MAPKAPK5: variants seen among roughly 807,000 people sequenced by gnomAD.
MAPKAPK5 encodes the protein MAPK activated protein kinase 5.
A neutral mutation model predicts 65.1 loss-of-function variants in MAPKAPK5; 30 were observed. The ratio of observed to expected loss-of-function variants is 0.46; its 90% CI spans 0.34 to 0.63. The LOEUF (loss-of-function observed/expected upper bound fraction) is 0.63, where lower values mean the gene tolerates loss of function less well. MAPKAPK5 is among the 20% of genes least tolerant of loss of function. The pLI is 0.01. For missense variants in MAPKAPK5, 433 were observed against 581.4 expected, an observed-to-expected ratio of 0.74 and a Z score of 2.63; for synonymous variants, 179 against 204.6, an observed-to-expected ratio of 0.87 and a Z score of 1.07.
Position 111,866,189 on chromosome 12 carries a change from T to C in MAPKAPK5, c.144T>C (p.Phe48=). ...TAAAGAAATCTACTCAAGAACGGTT[T>C]GCGCTGAAAATTCTTCTTGATCGTC... The part of the protein sequence containing the change: ...VCVKKSTQER[F]ALKILLDRPK... Residue 48 remains phenylalanine (F), a synonymous_variant, in exon 3 of 14, where the codon TTT becomes TTC. Coordinates refer to ENST00000550735, the MANE Select transcript of MAPKAPK5 (RefSeq NM_003668.4). The C allele has an allele frequency of 6.2e-7, 1 of 1,612,688 alleles. No individual in the cohort carries two copies.
At position 111,863,354 on chromosome 12, in the gene MAPKAPK5, G is replaced by C. The variant is rs563559092; in HGVS notation, c.37-1896G>C. ...GTCATTCATTCCATAGTTATTTACTGTATGCTGAGAACCTTTACCAAGAAT... is the reference window on the plus strand; with the variant it reads ...GTCATTCATTCCATAGTTATTTACTCTATGCTGAGAACCTTTACCAAGAAT... On this transcript the variant is annotated intron_variant, in intron 1 of 13. Coordinates refer to ENST00000550735, the MANE Select transcript of MAPKAPK5 (RefSeq NM_003668.4). 1.1e-3 allele frequency among the ~76,000 whole-genome samples: 168 copies of C among 152,202 alleles called. 2 individuals are homozygous for C. The highest frequency in any genetic ancestry group is 2.1e-3 in the Non-Finnish European group (143 of 68,020).
chr12:111,891,133 G>T (rs1404629612), intron 13 of MAPKAPK5, among the ~76,000 whole-genome samples: 1 of 151,416 alleles, frequency 6.6e-6, no homozygotes, highest in East Asian at 2.0e-4. Context: ...TCCCTCTGTT[G>T]CCCAGGCTGG....
At chr12:111,891,268 A>T (rs1293745730) in intron 13 of MAPKAPK5, among the ~76,000 whole-genome samples, 2 of 133,234 alleles carry the variant, frequency 1.5e-5, no homozygotes, top group African/African-American at 2.7e-5. Context: ...TAATTTTTGT[A>T]TTTTTTTTTT....
At chr12:111,870,695 C>G (rs1311610540) in intron 6 of MAPKAPK5, among the ~76,000 whole-genome samples, 2 of 152,124 alleles carry the variant, frequency 1.3e-5, no homozygotes, top group Non-Finnish European at 2.9e-5. Flanking sequence ...CTGTCCCCTG[C>G]CCCATGTCTC....
intron 1 of MAPKAPK5, among the ~76,000 whole-genome samples, chr12:111,860,928 GCAGGCAGATCA>G (rs1020213335): frequency 6.6e-6 from 1 of 151,762 alleles, no homozygotes; most frequent in African/African-American, 2.4e-5. Context: ...TGAGGCCGAG[GCAGGCAGATCA>G]CTTGAGGTCA....
At chr12:111,877,162 C>A (rs1471706965) in intron 7 of MAPKAPK5, among the ~76,000 whole-genome samples, 2 of 152,118 alleles carry the variant, frequency 1.3e-5, no homozygotes, top group African/African-American at 4.8e-5. Flanking sequence ...GGATTAAAGG[C>A]ATGTGCCACC....
chr12:111,870,296 A>G lies in MAPKAPK5; in HGVS notation c.419A>G (p.His140Arg), dbSNP rs1393148438. The change falls in exon 6 of 14, where the codon CAC becomes CGC. Residue 140 changes from histidine to arginine, a missense_variant. Around this residue, in one of 3 missense-constraint regions of MAPKAPK5, gnomAD observed 165 missense variants for 180.0 expected, o/e 0.92. Transcript: ENST00000550735. ...KQIALALRHC[H>R]LLNIAHRDLK... is the part of the protein sequence containing the mutation. ...ATAGCTTTGGCTCTGCGGCACTGTC[A>G]CTTGTTAAACATTGCGCACAGAGAC... 1 of 1,608,158 alleles carries G rather than the reference A, an allele frequency of 6.2e-7. No homozygotes were observed. Among genetic ancestry groups the G allele is most frequent in the Non-Finnish European group, 8.5e-7 (1 of 1,175,026 alleles).
intron 1 of MAPKAPK5, among the ~76,000 whole-genome samples, chr12:111,859,586 G>A (rs1471970919): frequency 6.6e-6 from 1 of 151,950 alleles, no homozygotes; most frequent in East Asian, 1.9e-4. Context: ...TTTATTTTCA[G>A]CTGGGCTCAG....
In MAPKAPK5 at chr12:111,888,783, T is replaced by G. The variant is rs1043749014; in HGVS notation, c.1101-102T>G. 8.5e-6 allele frequency: 13 copies of G among 1,523,812 alleles called. No homozygotes were observed. In the African/African-American group the frequency reaches 9.7e-5, roughly 11 times the overall value. 94.4% of individuals were successfully genotyped at this position (1,523,812 alleles called of 1,614,324 possible). A position where few individuals can be genotyped will look rare whatever the true frequency, so the allele number is the denominator to read the frequency against. ...TATCAGGAGTTGGACACTATTGTTA[T>G]TTTTCTGATACATCTGTTGCCTTAT... On this transcript the variant is annotated intron_variant, in intron 11 of 13. Transcript: ENST00000550735.
Position 111,874,347 on chromosome 12 carries a change from A to C in MAPKAPK5, c.579+3167A>C, listed in dbSNP as rs140131845. On this transcript the variant is annotated intron_variant, in intron 7 of 13. Transcript: ENST00000550735. The stretch of plus-strand genomic sequence containing the variant: ...GAGGTGGAGGCTGCAGTTAGTCGAG[A>C]TCATGCCATTGCACTCCAGCCTGGG... Among the ~76,000 whole-genome samples the C allele has an allele frequency of 3.7e-3, 563 of 151,634 alleles. 2 individuals are homozygous for C. Among genetic ancestry groups the C allele is most frequent in the African/African-American group, 0.013 (537 of 41,348 alleles).
Position 111,858,815 on chromosome 12 carries a change from A to T in MAPKAPK5, c.37-6435A>T, listed in dbSNP as rs145941242. On this transcript the variant is annotated intron_variant, in intron 1 of 13. Transcript: ENST00000550735. ...CTTGGCCTCCTAAAGTGCTGGGATT[A>T]CAGGCGTGAGCCACCGTGCTCAGCC... 3.0e-3 allele frequency among the ~76,000 whole-genome samples: 446 copies of T among 147,822 alleles called. 37 individuals are homozygous for T. The highest frequency in any genetic ancestry group is 0.01 in the African/African-American group (417 of 39,920).
Position 111,899,001 on chromosome 12 carries a change from G to A in MAPKAPK5, c.*5940G>A, listed in dbSNP as rs1046771380. 12 of 152,206 alleles carry A rather than the reference G, an allele frequency of 7.9e-5. No homozygotes were observed. The highest frequency in any genetic ancestry group is 3.9e-4 in the Admixed American group (6 of 15,274). 9.4% of individuals were successfully genotyped at this position (152,206 alleles called of 1,614,324 possible). On this transcript the variant is annotated 3_prime_UTR_variant, in exon 14 of 14. Coordinates refer to ENST00000550735, the MANE Select transcript of MAPKAPK5 (RefSeq NM_003668.4). ...CTACTTGGAATATCTTCCCATGAAA[G>A]TAAAAGGAATATAACTAAGGAAGAT...
intron 1 of MAPKAPK5, among the ~76,000 whole-genome samples, chr12:111,853,201 TAA>T (rs1262891582): frequency 7.0e-6 from 1 of 143,116 alleles, no homozygotes. Context: ...CCCTCTCTAC[TAA>T]AAAAAAAAAA....
intron 1 of MAPKAPK5, among the ~76,000 whole-genome samples, chr12:111,858,789 C>T (rs1232106480): frequency 2.7e-5 from 4 of 146,970 alleles, no homozygotes; most frequent in African/African-American, 1.0e-4. Context: ...GATCCGCCCG[C>T]CTTGGCCTCC....
At chr12:111,843,427 G>T in intron 1 of MAPKAPK5, 1 of 391,242 alleles carries the variant, frequency 2.6e-6, no homozygotes, top group East Asian at 3.6e-5. Flanking sequence ...TCTAAAACCT[G>T]TTTTTAACTT....
At chr12:111,850,075 C>G (rs2136070095) in intron 1 of MAPKAPK5, among the ~76,000 whole-genome samples, 1 of 151,944 alleles carries the variant, frequency 6.6e-6, no homozygotes, top group East Asian at 1.9e-4. Context: ...GTTGACCAGG[C>G]TGGAGTGTAG....
At chr12:111,856,794 T>TTATGCAG (rs2069256730) in intron 1 of MAPKAPK5, among the ~76,000 whole-genome samples, 1 of 152,204 alleles carries the variant, frequency 6.6e-6, no homozygotes, top group African/African-American at 2.4e-5. Flanking sequence ...AGTTATTTGT[T>TTATGCAG]TATGCAGTTA....
intron 1 of MAPKAPK5, among the ~76,000 whole-genome samples, chr12:111,863,828 A>G (rs1440766263): frequency 6.7e-6 from 1 of 150,206 alleles, no homozygotes; most frequent in Non-Finnish European, 1.5e-5. Flanking sequence ...CTGGTCTTGA[A>G]CTCCCACCTC....
chr12:111,847,757 A>G (rs1379911696), intron 1 of MAPKAPK5, among the ~76,000 whole-genome samples: 1 of 152,174 alleles, frequency 6.6e-6, no homozygotes, highest in Non-Finnish European at 1.5e-5. Flanking sequence ...CCCTGCTAGA[A>G]AGTTCCTTCT....
Sources: allele counts gnomAD v4.1 joint callset (sites outside exome capture counted in the v4.1 genomes callset), GRCh38; gene constraint gnomAD v4.1.1; regional missense constraint gnomAD v4.1.1; transcripts MANE v1.5; gene names NCBI Gene and HGNC (gene_info 2026-07-23, HGNC 2026-07-21).